The following TRPM4 variants were observed in gnomAD, a reference collection of about 807,000 sequenced individuals.
TRPM4 encodes the protein transient receptor potential cation channel subfamily M member 4.
Under a neutral mutation model 135.6 loss-of-function variants are expected in TRPM4, and 124 were observed. The ratio of observed to expected loss-of-function variants is 0.91; its 90% confidence interval spans 0.79 to 1.06. TRPM4 has a LOEUF of 1.06. Ranked by LOEUF, TRPM4 falls within the 50% of genes least tolerant of loss-of-function variation. The pLI is 0.00. For missense variants in TRPM4, 1,658 were observed against 1,671.4 expected (o/e 0.99, Z 0.14); for synonymous variants, 745 against 705.6 (o/e 1.06, Z -0.88).
At chr19:49,182,965 G>A (rs752900124) in intron 11 of TRPM4, 43 bp downstream of exon 11, 390 of 1,588,612 alleles carry the variant, frequency 2.5e-4, no homozygotes, top group Middle Eastern at 2.4e-3. Context: ...GCGCGGGAAG[G>A]ACCTGGGGGC....
chr19:49,164,996 G>A (rs529195365), intron 2 of TRPM4, among the ~76,000 whole-genome samples: 129 of 152,092 alleles, frequency 8.5e-4, no homozygotes, highest in African/African-American at 3.1e-3. Context: ...TCTGGCCCCA[G>A]CCTCCCAAAG....
intron 9 of TRPM4, among the ~76,000 whole-genome samples, chr19:49,174,633 A>T (rs1432180041): frequency 6.6e-6 from 1 of 151,652 alleles, no homozygotes; most frequent in East Asian, 2.0e-4. Context: ...AGGGTGGCGC[A>T]TACCTGTAAT....
intron 9 of TRPM4, among the ~76,000 whole-genome samples, chr19:49,176,959 G>A (rs1404251150): frequency 2.0e-5 from 3 of 152,114 alleles, no homozygotes; most frequent in Non-Finnish European, 4.4e-5. Flanking sequence ...GTGGAAAGTG[G>A]AGATAATATC....
At chr19:49,179,163 T>G (rs1293721216) in intron 9 of TRPM4, among the ~76,000 whole-genome samples, 1 of 137,446 alleles carries the variant, frequency 7.3e-6, no homozygotes, top group African/African-American at 2.7e-5. Flanking sequence ...TCAAGCGATT[T>G]TCCTGCCTCA....
chr19:49,205,876 G>C (rs1486851522), intron 20 of TRPM4, among the ~76,000 whole-genome samples: 1 of 152,056 alleles, frequency 6.6e-6, no homozygotes, highest in Non-Finnish European at 1.5e-5. Flanking sequence ...TTCAATGCAT[G>C]ACACTCATAG....
chr19:49,180,764 C>T (rs185111339), intron 9 of TRPM4, among the ~76,000 whole-genome samples: 208 of 152,096 alleles, frequency 1.4e-3, no homozygotes, highest in African/African-American at 4.9e-3. Context: ...TCCGTCTGCC[C>T]CATCTTGTTT....
At chr19:49,164,265 TTCTC>T (rs1358124944) in intron 2 of TRPM4, among the ~76,000 whole-genome samples, 2 of 141,330 alleles carry the variant, frequency 1.4e-5, no homozygotes, top group Non-Finnish European at 3.1e-5. Flanking sequence ...TTCTCTTTCT[TTCTC>T]TCTCTTTCCC....
intron 16 of TRPM4, among the ~76,000 whole-genome samples, chr19:49,195,148 T>G (rs940964387): frequency 2.0e-5 from 3 of 152,154 alleles, no homozygotes; most frequent in African/African-American, 7.2e-5. Context: ...GGTATACAAT[T>G]CAGTGCTTCT....
chr19:49,196,724 G>A lies in TRPM4; in HGVS notation c.2495G>A (p.Gly832Asp). Residue 832 changes from glycine (G) to aspartate (D), a missense_variant, in exon 17 of 25, where the codon GGC becomes GAC. By Grantham distance (94) the Gly-to-Asp change is moderately conservative. Around this residue, in one of 3 missense-constraint regions of TRPM4, gnomAD observed 1,412 missense variants for 1,408.7 expected, o/e 1.00. Coordinates refer to ENST00000252826, the MANE Select transcript of TRPM4 (RefSeq NM_017636.4). ...CTGCTGTGCGAGGAACTGCGCCAGG[G>A]CCTGAGCGGAGGCGGGGGCAGCCTC... is the stretch of plus-strand genomic sequence containing the variant. ...FTLLCEELRQ[G>D]LSGGGGSLAS... 6.4e-7 allele frequency: 1 copy of A among 1,552,954 alleles called. No individual in the cohort carries two copies. The highest frequency in any genetic ancestry group is 1.9e-5 in the Admixed American group (1 of 52,920).
At chr19:49,204,173 G>A (rs1969060149) in intron 20 of TRPM4, among the ~76,000 whole-genome samples, 1 of 152,140 alleles carries the variant, frequency 6.6e-6, no homozygotes, top group Non-Finnish European at 1.5e-5. Flanking sequence ...GAACACTTGG[G>A]TTCTTTCTGC....
rs758377753 is a variant in TRPM4, at chr19:49,196,647, GC to G, written c.2420del (p.Pro807ArgfsTer27). 2 of 1,547,342 alleles carry G rather than the reference GC, an allele frequency of 1.3e-6. No homozygotes were observed. The highest frequency in any genetic ancestry group is 2.4e-5 in the East Asian group (1 of 41,428). Reference sequence around the variant, plus strand: ...CGCGGGTGCTGCTCGTGGATTTCCAGCCGGCGCCGCCCGGCTCCCTGGAGCT... The same window carrying G: ...CGCGGGTGCTGCTCGTGGATTTCCAGCGGCGCCGCCCGGCTCCCTGGAGCT... ...FSRVLLVDFQ[P>X]APPGSLELLL... On this transcript the variant is annotated frameshift_variant, in exon 17 of 25. Transcript: ENST00000252826. LOFTEE classifies it high-confidence loss of function.
In TRPM4 at chr19:49,202,214, G is replaced by A. The variant is rs543164605; in HGVS notation, c.3131+73G>A. On this transcript the variant is annotated intron_variant, in intron 20 of 24. Coordinates refer to ENST00000252826, the MANE Select transcript of TRPM4 (RefSeq NM_017636.4). ...GGCCCTCTCATGACTCTTGAACCCC[G>A]TCTAATGAATTCTGTTTTTAGTCCC... is the stretch of plus-strand genomic sequence containing the variant. The A allele has an allele frequency of 1.0e-4, 158 of 1,531,896 alleles. 1 individual carries two copies. Among genetic ancestry groups the A allele is most frequent in the Middle Eastern group, 1.7e-4 (1 of 5,922 alleles). 94.9% of individuals were successfully genotyped at this position (1,531,896 alleles called of 1,614,324 possible).
At chr19:49,179,081 A>T (rs1015076075) in intron 9 of TRPM4, among the ~76,000 whole-genome samples, 4 of 148,866 alleles carry the variant, frequency 2.7e-5, no homozygotes, top group African/African-American at 1.0e-4. Context: ...TTTGCAACAG[A>T]GTTTCGCTCT....
At chr19:49,158,384 C>G in intron 2 of TRPM4, 125 bp downstream of exon 2, 2 of 873,632 alleles carry the variant, frequency 2.3e-6, no homozygotes, top group East Asian at 4.8e-5. Flanking sequence ...CAAGGGCGTT[C>G]CTTGCCGACG....
At position 49,196,852 on chromosome 19, in the gene TRPM4, T is replaced by A. The variant is rs1968673249; in HGVS notation, c.2623T>A (p.Phe875Ile). The change falls in exon 17 of 25, where the codon TTC becomes ATC. Residue 875 changes from phenylalanine (F) to isoleucine (I), a missense_variant. Phe to Ile is a conservative substitution (Grantham distance 21). Transcript: ENST00000252826. ...NQCDLVALTC[F>I]LLGVGCRLTP... ...GTGCGACCTAGTGGCTCTCACCTGC[T>A]TCCTCCTGGGCGTGGGCTGCCGGTG... 1 of 1,586,948 alleles carries A rather than the reference T, an allele frequency of 6.3e-7. No homozygotes were observed. Among genetic ancestry groups the A allele is most frequent in the African/African-American group, 1.3e-5 (1 of 74,540 alleles).
chr19:49,164,810 A>T (rs1026034194), intron 2 of TRPM4, among the ~76,000 whole-genome samples: 1 of 150,748 alleles, frequency 6.6e-6, no homozygotes, highest in South Asian at 2.1e-4. Flanking sequence ...AGCTCTCTGC[A>T]TCACTGCAGC....
intron 20 of TRPM4, among the ~76,000 whole-genome samples, chr19:49,207,915 T>G (rs112158196): frequency 0.055 from 8,418 of 151,888 alleles, 685 homozygotes; most frequent in African/African-American, 0.17. Context: ...CAGTGGCCCC[T>G]AATGCCTGGC....
At chr19:49,208,400 T>A (rs886902630) in intron 20 of TRPM4, among the ~76,000 whole-genome samples, 1 of 152,050 alleles carries the variant, frequency 6.6e-6, no homozygotes, top group Non-Finnish European at 1.5e-5. Flanking sequence ...TGACGCTACC[T>A]CTAGACCACG....
intron 12 of TRPM4, among the ~76,000 whole-genome samples, chr19:49,188,003 T>A (rs1307749009): frequency 6.6e-6 from 1 of 152,194 alleles, no homozygotes; most frequent in South Asian, 2.1e-4. Flanking sequence ...AATGATGTTA[T>A]CCCCAGGAGC....
Sources: gnomAD v4.1 joint callset for allele counts (sites outside exome capture counted in the v4.1 genomes callset) on GRCh38, gnomAD v4.1.1 for gene constraint, gnomAD v4.1.1 regional missense constraint, MANE v1.5 for transcripts, NCBI Gene and HGNC (gene_info 2026-07-23, HGNC 2026-07-21) for gene names.